Variants in TACC2 observed in about 807,000 individuals in gnomAD.
TACC2 encodes the protein transforming acidic coiled-coil-containing protein 2.
TACC2 carries 137 observed loss-of-function variants against 227.3 expected under a neutral mutation model. That is an observed-to-expected ratio of 0.60 (90% CI 0.52 to 0.69). The LOEUF is 0.69. TACC2 is among the 30% of genes least tolerant of loss of function. The pLI is 0.00. For missense variants in TACC2, 3,470 were observed against 3,694.4 expected (o/e 0.94, Z 1.57); for synonymous variants, 1,523 against 1,487.5 (o/e 1.02, Z -0.55).
In TACC2 at chr10:122,082,922, A is replaced by G. The variant is rs746532477; in HGVS notation, c.422A>G (p.Glu141Gly). The G allele has an allele frequency of 6.2e-7, 1 of 1,613,082 alleles. No individual in the cohort carries two copies. Among genetic ancestry groups the G allele is most frequent in the South Asian group, 1.1e-5 (1 of 91,072 alleles). ...DGPQTQSPRR[E>G]PAPNAPGDIA... The stretch of plus-strand genomic sequence containing the variant: ...CCTCAGACTCAGTCTCCCAGGAGGG[A>G]ACCTGCCCCAAATGCCCCAGGAGAC... Residue 141 changes from glutamate to glycine, a missense_variant, in exon 4 of 23, where the codon GAA (glutamate) becomes GGA (glycine). By Grantham distance (98) the Glu-to-Gly change is moderately conservative (BLOSUM62 -2). Around this residue, in one of 10 missense-constraint regions of TACC2, gnomAD observed 405 missense variants for 389.6 expected, o/e 1.04. Transcript: ENST00000369005.
At chr10:122,073,050 T>C (rs1317206214) in intron 3 of TACC2, among the ~76,000 whole-genome samples, 1 of 141,344 alleles carries the variant, frequency 7.1e-6, no homozygotes, top group Non-Finnish European at 1.5e-5. Flanking sequence ...GAGGCGGAGC[T>C]TGCAGTGAGC....
intron 5 of TACC2, among the ~76,000 whole-genome samples, chr10:122,124,653 G>A (rs529406276): frequency 6.6e-5 from 10 of 152,276 alleles, no homozygotes; most frequent in East Asian, 5.8e-4. Flanking sequence ...AGCTCCATGT[G>A]TGCTGGGGAG....
At chr10:122,203,135 C>G (rs575546954) in intron 8 of TACC2, among the ~76,000 whole-genome samples, 1 of 152,260 alleles carries the variant, frequency 6.6e-6, no homozygotes, top group East Asian at 1.9e-4. Flanking sequence ...TCTACAAAAC[C>G]GCCATTGTCA....
chr10:122,239,522 A>G (rs1257080443), intron 18 of TACC2, among the ~76,000 whole-genome samples: 1 of 152,186 alleles, frequency 6.6e-6, no homozygotes, highest in Non-Finnish European at 1.5e-5. Context: ...AAAGCCCTGC[A>G]TTTGCATTAT....
chr10:122,164,052 T>A, intron 7 of TACC2: 1 of 1,538,456 alleles, frequency 6.5e-7, no homozygotes, highest in Non-Finnish European at 8.8e-7. Flanking sequence ...ATGCCCGGGC[T>A]TTGTTAGTGT....
chr10:122,145,865 TG>T (rs2091305515), intron 7 of TACC2, among the ~76,000 whole-genome samples: 1 of 152,170 alleles, frequency 6.6e-6, no homozygotes, highest in Admixed American at 6.5e-5. Flanking sequence ...GAAGGCACAC[TG>T]GGTGATCTCA....
intron 5 of TACC2, among the ~76,000 whole-genome samples, chr10:122,123,151 C>T (rs570977776): frequency 2.6e-5 from 4 of 152,212 alleles, no homozygotes; most frequent in South Asian, 2.1e-4. Context: ...CACAGGTGCA[C>T]GCCAACACAC....
chr10:122,013,997 A>G (rs891568685), intron 1 of TACC2, among the ~76,000 whole-genome samples: 10 of 150,824 alleles, frequency 6.6e-5, no homozygotes, highest in African/African-American at 2.4e-4. Context: ...AGAATTTATT[A>G]AACTTATAAA....
At chr10:122,055,480 G>GTT (rs1299056605) in intron 3 of TACC2, among the ~76,000 whole-genome samples, 1 of 152,170 alleles carries the variant, frequency 6.6e-6, no homozygotes. Flanking sequence ...AACACTGCAT[G>GTT]TTCTCACTTA....
At chr10:122,030,513 G>A (rs1958808029) in intron 2 of TACC2, among the ~76,000 whole-genome samples, 1 of 152,094 alleles carries the variant, frequency 6.6e-6, no homozygotes, top group Non-Finnish European at 1.5e-5. Flanking sequence ...AGTTAGGAAG[G>A]TAAAAATGCT....
At position 122,086,049 on chromosome 10, in the gene TACC2, T is replaced by A; in HGVS notation, c.3549T>A (p.Ala1183=). 6.2e-7 allele frequency: 1 copy of A among 1,613,886 alleles called. No homozygotes were observed. Among genetic ancestry groups the A allele is most frequent in the Non-Finnish European group, 8.5e-7 (1 of 1,180,022 alleles). Reference sequence around the variant, plus strand: ...CTGCCCTACGTGAGTCCTGCCAAGCTGAGCACCCCATGGCCAGCTGCCAGG... The same window carrying A: ...CTGCCCTACGTGAGTCCTGCCAAGCAGAGCACCCCATGGCCAGCTGCCAGG... ...STSALRESCQ[A]EHPMASCQDA... is the part of the protein sequence containing the mutation. Residue 1183 remains alanine, a synonymous_variant, in exon 4 of 23, where the codon GCT becomes GCA. Transcript: ENST00000369005.
intron 19 of TACC2, among the ~76,000 whole-genome samples, chr10:122,244,378 AC>A (rs1271602328): frequency 4.6e-5 from 7 of 151,924 alleles, no homozygotes; most frequent in South Asian, 2.1e-4. Flanking sequence ...ATCCTCATTC[AC>A]CCATTGACCG....
At chr10:122,077,578 A>G (rs2078958746) in intron 3 of TACC2, among the ~76,000 whole-genome samples, 1 of 152,182 alleles carries the variant, frequency 6.6e-6, no homozygotes, top group African/African-American at 2.4e-5. Context: ...TGGGGCCACA[A>G]CTGAGAGCAA....
At chr10:122,252,443 C>T (rs35127897) in intron 22 of TACC2, among the ~76,000 whole-genome samples, 16,316 of 151,456 alleles carry the variant, frequency 0.11, 1,176 homozygotes, top group South Asian at 0.2. Flanking sequence ...GGAAGATCAC[C>T]GTTAGCAGCC....
chr10:122,050,777 G>A lies in TACC2; in HGVS notation c.146+227G>A, dbSNP rs2075585211. The A allele has an allele frequency of 1.9e-6, 1 of 525,052 alleles. No homozygotes were observed. The highest frequency in any genetic ancestry group is 3.4e-6 in the Non-Finnish European group (1 of 295,854). 32.5% of individuals were successfully genotyped at this position (525,052 alleles called of 1,614,324 possible). A position where few individuals can be genotyped will look rare whatever the true frequency, so the allele number is the denominator to read the frequency against. ...GATTGCCTGCCCAAAGATGAAATTA[G>A]TAATTATAGACTTCCATTCCAGCCA... On this transcript the variant is annotated intron_variant, in intron 3 of 22. Coordinates refer to ENST00000369005, the MANE Select transcript of TACC2 (RefSeq NM_206862.4). This position sits in a 1 kb window ranked among gnomAD's most constrained non-coding sequence, Gnocchi z 4.6.
chr10:122,033,046 C>T (rs534036752), intron 2 of TACC2: 3 of 1,178,962 alleles, frequency 2.5e-6, no homozygotes, highest in African/African-American at 3.1e-5. Context: ...TCCATCTGGT[C>T]CTGTTCCCTG....
chr10:122,220,499 C>T (rs771778603), intron 11 of TACC2, among the ~76,000 whole-genome samples: 4 of 152,078 alleles, frequency 2.6e-5, no homozygotes, highest in Non-Finnish European at 5.9e-5. Flanking sequence ...CACCCAGGGT[C>T]CCCCCAGCAT....
In TACC2 at chr10:122,205,923, A is replaced by G. The variant is rs562863274; in HGVS notation, c.5972-4474A>G. Among the ~76,000 whole-genome samples the G allele has an allele frequency of 6.6e-6, 1 of 152,304 alleles. No homozygotes were observed. Among genetic ancestry groups the G allele is most frequent in the South Asian group, 2.1e-4 (1 of 4,828 alleles). ...CCTTTTCCCAGAATAAATATTACTA[A>G]CTGAAGATTACTATTTGTGTACTTA... On this transcript the variant is annotated intron_variant, in intron 8 of 22. Coordinates refer to ENST00000369005, the MANE Select transcript of TACC2 (RefSeq NM_206862.4). This position sits in a 1 kb window ranked among gnomAD's most constrained non-coding sequence, Gnocchi z 4.5.
At chr10:122,195,389 G>C (rs1026583119) in intron 8 of TACC2, among the ~76,000 whole-genome samples, 8 of 152,262 alleles carry the variant, frequency 5.3e-5, no homozygotes, top group South Asian at 2.1e-4. Flanking sequence ...AGAATTTTAG[G>C]GGGGGCCTCT....
Sources: allele counts gnomAD v4.1 joint callset (sites outside exome capture counted in the v4.1 genomes callset), GRCh38; gene constraint gnomAD v4.1.1; regional missense constraint gnomAD v4.1.1; non-coding constraint Gnocchi (gnomAD v3.1); transcripts MANE v1.5; gene names NCBI Gene and HGNC (gene_info 2026-07-23, HGNC 2026-07-21).